Variants in ENKUR observed in about 807,000 individuals in gnomAD.
ENKUR encodes enkurin.
ENKUR carries 19 observed loss-of-function variants against 27.6 expected under a neutral mutation model. That is an observed-to-expected ratio of 0.69 (90% CI 0.48 to 1.01). The LOEUF is 1.01. Ranked by LOEUF, ENKUR falls within the 50% of genes least tolerant of loss-of-function variation. The pLI is 0.00. For missense variants in ENKUR, 312 were observed against 310.5 expected (o/e 1.00, Z -0.04); for synonymous variants, 117 against 96.9 (o/e 1.21, Z -1.22).
intron 2 of ENKUR, chr10:25,023,316 A>C (rs1564349166): frequency 1.9e-6 from 3 of 1,614,144 alleles, no homozygotes; most frequent in Non-Finnish European, 2.5e-6. Flanking sequence ...ATGCACAGCG[A>C]TTTCTTTCAA....
At chr10:24,989,486 T>C (rs1157121169) in intron 4 of ENKUR, among the ~76,000 whole-genome samples, 2 of 152,204 alleles carry the variant, frequency 1.3e-5, no homozygotes, top group African/African-American at 4.8e-5. Context: ...CTTGGAACCT[T>C]ATGAAACTTA....
At chr10:25,016,811 G>A (rs1850594056), upstream of ENKUR, 1 of 152,544 alleles carries the variant, frequency 6.6e-6, no homozygotes, top group Non-Finnish European at 1.5e-5. Flanking sequence ...GAGGAGAAAG[G>A]AAGGAAAACT....
At chr10:25,051,858 T>C (rs1851189643) in intron 2 of ENKUR, among the ~76,000 whole-genome samples, 1 of 152,218 alleles carries the variant, frequency 6.6e-6, no homozygotes, top group Admixed American at 6.5e-5. Context: ...TTGTCCCTAC[T>C]AGGTCGTCAT....
chr10:25,031,941 T>TG (rs957663719), intron 2 of ENKUR, among the ~76,000 whole-genome samples: 9 of 152,078 alleles, frequency 5.9e-5, no homozygotes, highest in African/African-American at 1.4e-4. Flanking sequence ...CCCAAAGTAT[T>TG]GGGATTAAAG....
At chr10:25,018,274 A>G (rs894756179), upstream of ENKUR, among the ~76,000 whole-genome samples, 1 of 152,194 alleles carries the variant, frequency 6.6e-6, no homozygotes, top group Non-Finnish European at 1.5e-5. Context: ...TGTTTAAGCA[A>G]AATTATTTCT....
intron 2 of ENKUR, among the ~76,000 whole-genome samples, chr10:25,040,972 T>G (rs553101599): frequency 9.8e-5 from 15 of 152,320 alleles, no homozygotes; most frequent in Admixed American, 2.6e-4. Context: ...ATGAGTAAGA[T>G]GTGTAATGGC....
At chr10:25,023,269 A>G in intron 2 of ENKUR, 1 of 1,613,894 alleles carries the variant, frequency 6.2e-7, no homozygotes, top group African/African-American at 1.3e-5. Flanking sequence ...GATAACACAG[A>G]AATGTTTTTC....
intron 4 of ENKUR, among the ~76,000 whole-genome samples, chr10:24,986,351 C>T (rs565254463): frequency 6.6e-6 from 1 of 152,006 alleles, no homozygotes; most frequent in African/African-American, 2.4e-5. Flanking sequence ...AATTATGAGG[C>T]CTTCTTGAGT....
At chr10:24,985,194 T>C (rs373079349) in intron 4 of ENKUR, among the ~76,000 whole-genome samples, 1 of 152,176 alleles carries the variant, frequency 6.6e-6, no homozygotes, top group Non-Finnish European at 1.5e-5. Flanking sequence ...CGCAGAGTTA[T>C]GAGTAGTGTG....
chr10:25,058,849 T>G (rs1851292530), intron 2 of ENKUR, among the ~76,000 whole-genome samples: 1 of 151,500 alleles, frequency 6.6e-6, no homozygotes, highest in African/African-American at 2.4e-5. Flanking sequence ...GAGAATCGCT[T>G]GAACACAGGA....
At chr10:25,054,505 C>CT (rs1851227737) in intron 2 of ENKUR, among the ~76,000 whole-genome samples, 1 of 117,140 alleles carries the variant, frequency 8.5e-6, no homozygotes, top group African/African-American at 3.4e-5. Flanking sequence ...TTCTTTCTTT[C>CT]TTTCTTTCCT....
chr10:24,993,025 G>A (rs111482523), intron 3 of ENKUR, among the ~76,000 whole-genome samples: 2,002 of 152,294 alleles, frequency 0.013, 58 homozygotes, highest in African/African-American at 0.046. Flanking sequence ...TGGGCGCAGT[G>A]GCTCAAGCCT....
chr10:24,995,527 A>G lies in ENKUR; in HGVS notation c.447+119T>C, dbSNP rs1850027035. 3 of 914,164 alleles carry G rather than the reference A, an allele frequency of 3.3e-6. No homozygotes were observed. The South Asian group carries it at 5.8e-5, about 18-fold the overall frequency. 56.6% of individuals were successfully genotyped at this position (914,164 alleles called of 1,614,324 possible). A position where few individuals can be genotyped will look rare whatever the true frequency, so the allele number is the denominator to read the frequency against. On this transcript the variant is annotated intron_variant, in intron 3 of 5. Coordinates refer to ENST00000331161, the MANE Select transcript of ENKUR (RefSeq NM_145010.4). ...CACAGATTGCAGAAGAATGAGAATC[A>G]GCAAAGTAGACAATGTGTCCAATGA...
chr10:25,024,389 G>C (rs142292961), intron 2 of ENKUR: 1 of 1,613,724 alleles, frequency 6.2e-7, no homozygotes, highest in Non-Finnish European at 8.5e-7. Context: ...GTCTTAAATG[G>C]TTTTAGTCGT....
At chr10:24,996,357 G>T (rs1257119027) in intron 2 of ENKUR, among the ~76,000 whole-genome samples, 1 of 152,110 alleles carries the variant, frequency 6.6e-6, no homozygotes, top group Admixed American at 6.5e-5. Context: ...GGGAGGCGGA[G>T]GTTGCAGTGA....
chr10:25,011,253 G>A (rs1588664285), intron 1 of ENKUR, among the ~76,000 whole-genome samples: 1 of 152,166 alleles, frequency 6.6e-6, no homozygotes, highest in East Asian at 1.9e-4. Context: ...CTTTTGAGAA[G>A]TGTCTGTTCA....
At chr10:25,025,012 C>T in intron 2 of ENKUR, 5 of 1,614,108 alleles carry the variant, frequency 3.1e-6, no homozygotes, top group Non-Finnish European at 4.2e-6. Context: ...ATTAGAAAGT[C>T]AGCATCATTT....
upstream of ENKUR, among the ~76,000 whole-genome samples, chr10:25,017,688 A>T (rs1850635197): frequency 6.6e-6 from 1 of 151,032 alleles, no homozygotes; most frequent in African/African-American, 2.4e-5. Flanking sequence ...AATTCTCCAG[A>T]TTTCTTCACA....
intron 1 of ENKUR, among the ~76,000 whole-genome samples, chr10:25,000,589 G>A (rs1850167831): frequency 1.3e-5 from 2 of 151,964 alleles, no homozygotes; most frequent in African/African-American, 4.8e-5. Flanking sequence ...TTAAAATTCT[G>A]TGCTCTAGAA....
Sources: gnomAD v4.1 joint callset for allele counts (sites outside exome capture counted in the v4.1 genomes callset) on GRCh38, gnomAD v4.1.1 for gene constraint, MANE v1.5 for transcripts, NCBI Gene and HGNC (gene_info 2026-07-23, HGNC 2026-07-21) for gene names.